Variants in EBF1 observed in about 807,000 individuals in gnomAD.
The protein encoded by EBF1 is EBF transcription factor 1.
Under a neutral mutation model 68.4 loss-of-function variants are expected in EBF1, and 10 were observed. That is an observed-to-expected ratio of 0.15 (90% CI 0.09 to 0.25). EBF1 has a LOEUF of 0.25. Among genes scored for constraint, EBF1 ranks in the 10% least tolerant of loss-of-function variants. The pLI, the probability that EBF1 is intolerant of heterozygous loss-of-function variation, is 1.00. For missense variants in EBF1, 509 were observed against 794.4 expected (o/e 0.64, Z 4.32); for synonymous variants, 298 against 299.8 (o/e 0.99, Z 0.06).
At chr5:158,906,007 C>G (rs1804499521) in intron 6 of EBF1, among the ~76,000 whole-genome samples, 1 of 152,064 alleles carries the variant, frequency 6.6e-6, no homozygotes, top group African/African-American at 2.4e-5. Context: ...ATTTATTTTT[C>G]ATTTCAATCA....
At position 159,099,486 on chromosome 5, in the gene EBF1, A is replaced by T. The variant is rs1412575911; in HGVS notation, c.-8T>A. On this transcript the variant is annotated 5_prime_UTR_variant, in exon 1 of 16. In the 5' UTR this introduces an upstream ATG that the reference lacks. Coordinates refer to ENST00000313708, the MANE Select transcript of EBF1 (RefSeq NM_024007.5). ...TTCCTGAATCCCAAACATGAAAACAACCTTTTCTTGTGGAAAATCTCCTCC... is the reference window on the plus strand; with the variant it reads ...TTCCTGAATCCCAAACATGAAAACATCCTTTTCTTGTGGAAAATCTCCTCC... The T allele has an allele frequency of 6.6e-7, 1 of 1,508,394 alleles. No individual in the cohort carries two copies. Among genetic ancestry groups the T allele is most frequent in the Non-Finnish European group, 8.9e-7 (1 of 1,125,950 alleles). The allele number at this position is 1,508,394 out of a possible 1,614,324, so 93.4% of individuals were successfully genotyped here.
intron 6 of EBF1, among the ~76,000 whole-genome samples, chr5:158,994,543 C>T (rs1336015811): frequency 2.0e-5 from 3 of 152,200 alleles, no homozygotes; most frequent in African/African-American, 7.2e-5. Context: ...TGGAACATCC[C>T]TTGCACGCCT....
intron 8 of EBF1, among the ~76,000 whole-genome samples, chr5:158,803,770 G>T (rs1781059651): frequency 6.6e-6 from 1 of 151,742 alleles, no homozygotes; most frequent in South Asian, 2.1e-4. Context: ...CTAGGGATTT[G>T]TTTCTGCCTT....
chr5:158,796,019 TTCTATACA>T (rs1488163511), intron 9 of EBF1, among the ~76,000 whole-genome samples: 1 of 152,174 alleles, frequency 6.6e-6, no homozygotes. Context: ...AATGGGCTTT[TTCTATACA>T]TCTTGTGACT....
intron 6 of EBF1, among the ~76,000 whole-genome samples, chr5:159,005,295 T>C (rs1763333531): frequency 6.6e-6 from 1 of 152,224 alleles, no homozygotes; most frequent in Non-Finnish European, 1.5e-5. Flanking sequence ...TCACAGTAGT[T>C]CACAAAGTAT....
chr5:158,932,678 C>T (rs1398242253), intron 6 of EBF1, among the ~76,000 whole-genome samples: 3 of 151,890 alleles, frequency 2.0e-5, no homozygotes, highest in Non-Finnish European at 4.4e-5. Context: ...ATAATCAGTC[C>T]AAACACACAT....
At chr5:159,024,248 G>A (rs1471206878) in intron 6 of EBF1, among the ~76,000 whole-genome samples, 2 of 152,136 alleles carry the variant, frequency 1.3e-5, no homozygotes, top group Non-Finnish European at 2.9e-5. Flanking sequence ...CCTGCTGGAA[G>A]ACTCTTCCTG....
At chr5:158,974,306 G>C (rs1423786283) in intron 6 of EBF1, among the ~76,000 whole-genome samples, 1 of 152,118 alleles carries the variant, frequency 6.6e-6, no homozygotes, top group African/African-American at 2.4e-5. Context: ...TAAACCTTTG[G>C]TAACCTATGT....
intron 8 of EBF1, among the ~76,000 whole-genome samples, chr5:158,821,515 T>C (rs1784815728): frequency 6.6e-6 from 1 of 152,152 alleles, no homozygotes; most frequent in Non-Finnish European, 1.5e-5. Context: ...AAACTGACAG[T>C]CAAGTCTGTC....
intron 6 of EBF1, among the ~76,000 whole-genome samples, chr5:158,976,557 G>C (rs1756803859): frequency 1.3e-5 from 2 of 150,930 alleles, no homozygotes; most frequent in Non-Finnish European, 2.9e-5. Flanking sequence ...ATCACAATTA[G>C]ATCATATATT....
At chr5:159,035,325 T>C (rs1769812864) in intron 6 of EBF1, among the ~76,000 whole-genome samples, 1 of 151,786 alleles carries the variant, frequency 6.6e-6, no homozygotes, top group Middle Eastern at 3.2e-3. Flanking sequence ...AAATAAATAA[T>C]AAATTAAAAA....
At chr5:158,760,690 T>C (rs1302762350) in intron 10 of EBF1, among the ~76,000 whole-genome samples, 1 of 152,174 alleles carries the variant, frequency 6.6e-6, no homozygotes, top group African/African-American at 2.4e-5. Flanking sequence ...CAATCTCAGG[T>C]GCGATCTTAT....
intron 6 of EBF1, among the ~76,000 whole-genome samples, chr5:158,997,569 T>C (rs1052786813): frequency 2.6e-5 from 4 of 152,194 alleles, no homozygotes; most frequent in East Asian, 3.8e-4. Context: ...TGACTCCCTA[T>C]AGCTCTTTTC....
intron 10 of EBF1, among the ~76,000 whole-genome samples, chr5:158,753,176 G>T (rs897837983): frequency 6.6e-6 from 1 of 152,000 alleles, no homozygotes; most frequent in African/African-American, 2.4e-5. Flanking sequence ...AATTGAGCTA[G>T]TCTTTCTCCC....
At chr5:158,913,715 A>C (rs74689393) in intron 6 of EBF1, among the ~76,000 whole-genome samples, 3 of 152,188 alleles carry the variant, frequency 2.0e-5, no homozygotes, top group Non-Finnish European at 1.5e-5. Context: ...CCTCTCGGAC[A>C]CCTACCAAGG....
intron 10 of EBF1, among the ~76,000 whole-genome samples, chr5:158,754,833 A>C (rs1050192471): frequency 3.9e-5 from 6 of 152,160 alleles, no homozygotes; most frequent in Non-Finnish European, 5.9e-5. Context: ...ACAATGGATG[A>C]ATATTGGAAA....
At chr5:158,967,690 G>C (rs965638747) in intron 6 of EBF1, among the ~76,000 whole-genome samples, 2 of 152,170 alleles carry the variant, frequency 1.3e-5, no homozygotes, top group African/African-American at 4.8e-5. Flanking sequence ...ATGGGGAAGT[G>C]GGGAGGGATT....
At chr5:158,770,026 A>G (rs1773560336) in intron 10 of EBF1, among the ~76,000 whole-genome samples, 1 of 152,146 alleles carries the variant, frequency 6.6e-6, no homozygotes, top group Non-Finnish European at 1.5e-5. Context: ...CCTTTCTCCA[A>G]TTCTTTCTGA....
intron 8 of EBF1, among the ~76,000 whole-genome samples, chr5:158,816,436 T>A (rs1021699681): frequency 6.6e-6 from 1 of 152,244 alleles, no homozygotes; most frequent in African/African-American, 2.4e-5. Flanking sequence ...CAAGCTATGT[T>A]TAAGCTTGAG....
Sources: allele counts gnomAD v4.1 joint callset (sites outside exome capture counted in the v4.1 genomes callset), GRCh38; gene constraint gnomAD v4.1.1; transcripts MANE v1.5; gene names NCBI Gene and HGNC (gene_info 2026-07-23, HGNC 2026-07-21).